TSPAN18: variants seen among roughly 807,000 people sequenced by gnomAD.
TSPAN18 encodes tetraspanin-18.
TSPAN18 carries 14 observed loss-of-function variants against 27.3 expected under a neutral mutation model. The observed-to-expected ratio is 0.51, with a 90% CI of 0.34 to 0.80. The LOEUF (loss-of-function observed/expected upper bound fraction) is 0.80, where lower values mean the gene tolerates loss of function less well. TSPAN18 is among the 30% of genes least tolerant of loss of function. The pLI is 0.01. For synonymous variants in TSPAN18, 143 were observed against 136.5 expected (o/e 1.05, Z -0.33); for missense variants, 268 against 323.9 (o/e 0.83, Z 1.32).
At chr11:44,896,493 C>T (rs1268805526) in intron 3 of TSPAN18, among the ~76,000 whole-genome samples, 2 of 152,138 alleles carry the variant, frequency 1.3e-5, no homozygotes, top group Non-Finnish European at 2.9e-5. Flanking sequence ...GTACCTGAAG[C>T]TGGTGCACAC....
rs1426380113 is a variant in TSPAN18 at position 44,930,948 on chromosome 11, A to G, written c.*1770A>G. 2.0e-6 allele frequency: 1 copy of G among 510,090 alleles called. No homozygotes were observed. Among genetic ancestry groups the G allele is most frequent in the Admixed American group, 2.1e-5 (1 of 47,974 alleles). The allele number at this position is 510,090 out of a possible 1,614,324, so 31.6% of individuals were successfully genotyped here. A position where few individuals can be genotyped will look rare whatever the true frequency, so the allele number is the denominator to read the frequency against. On this transcript the variant is annotated 3_prime_UTR_variant, in exon 10 of 10. Transcript: ENST00000520358. The stretch of plus-strand genomic sequence containing the variant: ...CTCAGGCTTTCCAGTCACCAGGGAC[A>G]CTCGGAGCCACAGCCTAGAGCCCCG...
At chr11:44,926,495 C>A in intron 8 of TSPAN18, 179 bp from the exon 9 acceptor site, 1 of 632,570 alleles carries the variant, frequency 1.6e-6, no homozygotes, top group Non-Finnish European at 2.8e-6. Flanking sequence ...GCAATGCTGC[C>A]AAGTCGCTGT....
At chr11:44,926,292 A>C (rs1860351239) in intron 8 of TSPAN18, 1 of 189,348 alleles carries the variant, frequency 5.3e-6, no homozygotes. Context: ...ACCCGAAGGC[A>C]GCAGCTGCTG....
chr11:44,796,911 G>A (rs1856363660), intron 2 of TSPAN18, among the ~76,000 whole-genome samples: 1 of 152,164 alleles, frequency 6.6e-6, no homozygotes, highest in Non-Finnish European at 1.5e-5. Flanking sequence ...CAGAACTGTG[G>A]CTTCTTGAAG....
intron 5 of TSPAN18, chr11:44,917,728 A>G: frequency 1.8e-6 from 1 of 544,514 alleles, no homozygotes; most frequent in Non-Finnish European, 3.3e-6. Flanking sequence ...CTCTAAGGGT[A>G]CCATTTGCAT....
At chr11:44,775,264 G>A (rs1855778666) in intron 2 of TSPAN18, among the ~76,000 whole-genome samples, 1 of 152,216 alleles carries the variant, frequency 6.6e-6, no homozygotes, top group African/African-American at 2.4e-5. Context: ...AAGATTATTT[G>A]TTGTTTATCT....
chr11:44,912,415 C>A (rs1859755633), intron 5 of TSPAN18, among the ~76,000 whole-genome samples: 1 of 151,892 alleles, frequency 6.6e-6, no homozygotes, highest in South Asian at 2.1e-4. Context: ...CTCTCCACTT[C>A]CCCTGCTTGC....
chr11:44,807,455 G>C (rs11825841), intron 2 of TSPAN18, among the ~76,000 whole-genome samples: 5,300 of 147,940 alleles, frequency 0.036, 335 homozygotes, highest in African/African-American at 0.13. Context: ...TTGAATCCGG[G>C]AGGCGGAGGT....
chr11:44,872,870 G>A (rs34592569), intron 3 of TSPAN18, among the ~76,000 whole-genome samples: 2,995 of 152,176 alleles, frequency 0.02, 38 homozygotes, highest in South Asian at 0.043. Context: ...GCCCAGCCTG[G>A]GCACAGGGTG....
chr11:44,910,946 G>A (rs919950834), intron 5 of TSPAN18, among the ~76,000 whole-genome samples: 4 of 152,206 alleles, frequency 2.6e-5, no homozygotes, highest in African/African-American at 7.2e-5. Context: ...CGAGGGGGCC[G>A]ACCAGCTCAG....
intron 2 of TSPAN18, among the ~76,000 whole-genome samples, chr11:44,777,855 G>T (rs984230218): frequency 3.3e-5 from 5 of 152,124 alleles, no homozygotes; most frequent in African/African-American, 1.2e-4. Context: ...AGCGCTAACT[G>T]TATGCCAAGC....
intron 2 of TSPAN18, among the ~76,000 whole-genome samples, chr11:44,842,555 G>A (rs2135168774): frequency 6.6e-6 from 1 of 152,288 alleles, no homozygotes; most frequent in Admixed American, 6.5e-5. Flanking sequence ...TGAAGTCAGG[G>A]AGGGATAATA....
In TSPAN18 at chr11:44,790,390, TG is replaced by T. The variant is rs577419378; in HGVS notation, c.-153+25879del. ...GCATGTTTGTGTGCGTGTGTGTGCA[TG>T]TGCTCTTGCTTGTACGTGTGTGCAT... On this transcript the variant is annotated intron_variant, in intron 2 of 9. Transcript: ENST00000520358. Among the ~76,000 whole-genome samples, 22 of 150,886 alleles carry T rather than the reference TG, an allele frequency of 1.5e-4. No individual in the cohort carries two copies. The East Asian group carries it at 4.1e-3, about 28-fold the overall frequency.
intron 2 of TSPAN18, among the ~76,000 whole-genome samples, chr11:44,782,620 T>A (rs1436845652): frequency 1.3e-5 from 2 of 151,876 alleles, no homozygotes; most frequent in African/African-American, 4.8e-5. Context: ...TGTTTTTCAC[T>A]CCCATCAGCT....
In TSPAN18 at chr11:44,926,710, T is replaced by C. The variant is rs1356938698; in HGVS notation, c.652T>C (p.Tyr218His). 10 of 1,614,170 alleles carry C rather than the reference T, an allele frequency of 6.2e-6. No individual in the cohort carries two copies. The East Asian group carries it at 2.2e-4, about 36-fold the overall frequency. Residue 218 changes from tyrosine to histidine, a missense_variant, in exon 9 of 10, where the codon TAC (tyrosine) becomes CAC (histidine). Coordinates refer to ENST00000520358, the MANE Select transcript of TSPAN18 (RefSeq NM_130783.5). Reference sequence around the variant, plus strand: ...GGTGATCCTCAACACCTTCGAGACCTACGTCTACTTGGCCGGAGCCCTTGC... The same window carrying C: ...GGTGATCCTCAACACCTTCGAGACCCACGTCTACTTGGCCGGAGCCCTTGC... Reference protein sequence around the residue: ...YTVILNTFETYVYLAGALAIG... With the variant: ...YTVILNTFETHVYLAGALAIG...
intron 2 of TSPAN18, among the ~76,000 whole-genome samples, chr11:44,837,659 C>T (rs998715147): frequency 2.0e-5 from 3 of 152,142 alleles, no homozygotes; most frequent in African/African-American, 7.2e-5. Context: ...CAAACTTCAC[C>T]ATCTTATTTT....
intron 8 of TSPAN18, among the ~76,000 whole-genome samples, chr11:44,924,344 C>T (rs1318280940): frequency 6.6e-6 from 1 of 152,154 alleles, no homozygotes; most frequent in Non-Finnish European, 1.5e-5. Flanking sequence ...ATCTACATGG[C>T]CCCATTGTAC....
chr11:44,887,610 A>T (rs1302857678), intron 3 of TSPAN18, among the ~76,000 whole-genome samples: 1 of 150,964 alleles, frequency 6.6e-6, no homozygotes, highest in African/African-American at 2.4e-5. Context: ...CAAAAGGGAA[A>T]CTCTCCCTGG....
chr11:44,760,365 T>A (rs1375993070), intron 1 of TSPAN18, among the ~76,000 whole-genome samples: 1 of 152,192 alleles, frequency 6.6e-6, no homozygotes, highest in Non-Finnish European at 1.5e-5. Context: ...GCAGGTTCTA[T>A]GAGGATGGAG....
Sources: allele counts gnomAD v4.1 joint callset (sites outside exome capture counted in the v4.1 genomes callset), GRCh38; gene constraint gnomAD v4.1.1; transcripts MANE v1.5; gene names NCBI Gene and HGNC (gene_info 2026-07-23, HGNC 2026-07-21).